The following NXPE4 variants were observed in gnomAD, a reference collection of about 807,000 sequenced individuals.
NXPE4 encodes the protein NXPE family member 4.
In NXPE4, 42 loss-of-function variants were observed where a neutral mutation model predicts 33.3. The observed-to-expected ratio is 1.26, with a 90% CI of 0.98 to 1.63. NXPE4 has a LOEUF of 1.63. Among genes scored for constraint, NXPE4 ranks in the 40% most tolerant of loss-of-function variants. The probability of loss-of-function intolerance (pLI) is 0.00; values close to 1 mark genes in which losing one functional copy is unlikely to be tolerated. For missense variants in NXPE4, 709 were observed against 647.6 expected, an observed-to-expected ratio of 1.09 and a Z score of -1.03; for synonymous variants, 253 against 234.9, an observed-to-expected ratio of 1.08 and a Z score of -0.71.
At chr11:114,637,056 A>C in the NXPE4 span, among the ~76,000 whole-genome samples, 1 of 151,984 alleles carries the variant, frequency 6.6e-6, no homozygotes, top group South Asian at 2.1e-4. Context: ...TAATGTTGAC[A>C]GTGGGGTGTT....
At chr11:114,609,027 C>T in the NXPE4 span, among the ~76,000 whole-genome samples, 1 of 151,754 alleles carries the variant, frequency 6.6e-6, no homozygotes, top group South Asian at 2.1e-4. Flanking sequence ...TGTGGGTAAC[C>T]ACTCTTACCT....
the NXPE4 span, among the ~76,000 whole-genome samples, chr11:114,649,385 G>A: frequency 6.6e-6 from 1 of 152,180 alleles, no homozygotes; most frequent in African/African-American, 2.4e-5. Flanking sequence ...TGAACACAAT[G>A]AAGTAATATT....
the NXPE4 span, among the ~76,000 whole-genome samples, chr11:114,606,392 A>G: frequency 2.6e-5 from 4 of 151,826 alleles, no homozygotes; most frequent in African/African-American, 9.7e-5. Context: ...CTCATGGGTA[A>G]CCACTGTTAC....
At chr11:114,594,440 A>G (rs1591357634) in intron 2 of NXPE4, among the ~76,000 whole-genome samples, 2 of 152,314 alleles carry the variant, frequency 1.3e-5, no homozygotes, top group South Asian at 4.1e-4. Flanking sequence ...GATAGGTGCA[A>G]TGCATTTATT....
chr11:114,629,588 G>A, the NXPE4 span, among the ~76,000 whole-genome samples: 2 of 152,024 alleles, frequency 1.3e-5, no homozygotes, highest in Middle Eastern at 3.4e-3. Context: ...AAAACTGGAA[G>A]CATTCCCTTT....
intron 1 of NXPE4, 45 bp from the exon 2 acceptor site, chr11:114,594,814 A>C: frequency 3.1e-6 from 3 of 970,002 alleles, no homozygotes; most frequent in Non-Finnish European, 4.7e-6. Context: ...ATACAACAAA[A>C]CAGAAAAGCA....
In NXPE4 at chr11:114,580,405, C is replaced by T. The variant is rs7951017; in HGVS notation, c.893-67G>A. The T allele has an allele frequency of 1.2e-3, 1,708 of 1,380,548 alleles. 13 individuals carry two copies. The African/African-American group carries it at 0.022, about 18-fold the overall frequency. The allele number at this position is 1,380,548 out of a possible 1,614,324, so 85.5% of individuals were successfully genotyped here. A position where few individuals can be genotyped will look rare whatever the true frequency, so the allele number is the denominator to read the frequency against. ...ATTACCCGTCAGTATGTATTAAGAGCCTTCTATCCTCTAAGTATCCTAAGA... is the reference window on the plus strand; with the variant it reads ...ATTACCCGTCAGTATGTATTAAGAGTCTTCTATCCTCTAAGTATCCTAAGA... On this transcript the variant is annotated intron_variant, in intron 4 of 5. Transcript: ENST00000375478.
the NXPE4 span, among the ~76,000 whole-genome samples, chr11:114,601,953 T>A: frequency 1.2e-5 from 1 of 82,312 alleles, no homozygotes; most frequent in African/African-American, 5.0e-5. Flanking sequence ...TAATTATATA[T>A]AATATTATAT....
the NXPE4 span, among the ~76,000 whole-genome samples, chr11:114,653,533 C>CTTTTT: frequency 9.7e-6 from 1 of 103,512 alleles, no homozygotes; most frequent in Non-Finnish European, 2.0e-5. Flanking sequence ...CCTGCTTTCC[C>CTTTTT]TTTTTTTTTT....
the NXPE4 span, among the ~76,000 whole-genome samples, chr11:114,627,039 C>G: frequency 6.6e-6 from 1 of 152,046 alleles, no homozygotes; most frequent in Non-Finnish European, 1.5e-5. Context: ...AAATCTACAT[C>G]TCATTTGTGT....
chr11:114,607,351 G>A, the NXPE4 span, among the ~76,000 whole-genome samples: 1 of 152,000 alleles, frequency 6.6e-6, no homozygotes, highest in Non-Finnish European at 1.5e-5. Flanking sequence ...ATTGCCTCGT[G>A]GGTAACCACT....
Position 114,582,519 on chromosome 11 carries a change from T to A in NXPE4, c.599A>T (p.Asp200Val). 6.2e-7 allele frequency: 1 copy of A among 1,614,120 alleles called. No individual in the cohort carries two copies. The highest frequency in any genetic ancestry group is 8.5e-7 in the Non-Finnish European group (1 of 1,179,994). ...ALWSARNQGY[D>V]RVIFTGQFVN... The stretch of plus-strand genomic sequence containing the variant: ...AAACTGGCCAGTGAAGATCACCCTG[T>A]CATAGCCTTGGTTCCTTGCACTCCA... The change falls in exon 3 of 6, where the codon GAC becomes GTC. Residue 200 changes from aspartate (D) to valine (V), a missense_variant. Transcript: ENST00000375478.
chr11:114,675,921 A>T, the NXPE4 span, among the ~76,000 whole-genome samples: 2 of 152,008 alleles, frequency 1.3e-5, no homozygotes, highest in Non-Finnish European at 2.9e-5. Context: ...ATGGAACCAA[A>T]TAGAGACCCC....
chr11:114,571,158 A>G lies in NXPE4; in HGVS notation c.1415T>C (p.Ile472Thr), dbSNP rs754544732. The G allele has an allele frequency of 1.2e-6, 2 of 1,613,848 alleles. No individual in the cohort carries two copies. The highest frequency in any genetic ancestry group is 1.7e-6 in the Non-Finnish European group (2 of 1,179,934). ...LLRSPDTMVI[I>T]KTENIREMYN... The stretch of plus-strand genomic sequence containing the variant: ...CATCTCCCTGATGTTTTCTGTTTTG[A>G]TGATAACCATAGTGTCTGGGCTTCT... Residue 472 changes from isoleucine to threonine, a missense_variant, in exon 6 of 6, where the codon ATC becomes ACC. By Grantham distance (89) the Ile-to-Thr change is moderately conservative. Coordinates refer to ENST00000375478, the MANE Select transcript of NXPE4 (RefSeq NM_001077639.2).
At chr11:114,582,144 C>G in intron 3 of NXPE4, 144 bp downstream of exon 3, 1 of 855,504 alleles carries the variant, frequency 1.2e-6, no homozygotes, top group Non-Finnish European at 1.8e-6. Flanking sequence ...GGCACTGTCT[C>G]TAAATGAATT....
At chr11:114,648,733 G>A in the NXPE4 span, among the ~76,000 whole-genome samples, 10 of 152,162 alleles carry the variant, frequency 6.6e-5, no homozygotes, top group African/African-American at 2.2e-4. Flanking sequence ...CAACTATCCC[G>A]CATACAACTA....
At chr11:114,588,121 G>A (rs867214659) in intron 2 of NXPE4, among the ~76,000 whole-genome samples, 4 of 152,182 alleles carry the variant, frequency 2.6e-5, no homozygotes, top group South Asian at 2.1e-4. Context: ...CAAAACTAGA[G>A]AAGCAACCTC....
At chr11:114,627,014 C>G in the NXPE4 span, among the ~76,000 whole-genome samples, 3 of 151,954 alleles carry the variant, frequency 2.0e-5, no homozygotes, top group Non-Finnish European at 4.4e-5. Context: ...AAATATGGGA[C>G]TATGTGACAA....
At chr11:114,592,690 G>T (rs1443602183) in intron 2 of NXPE4, among the ~76,000 whole-genome samples, 9 of 152,052 alleles carry the variant, frequency 5.9e-5, no homozygotes, top group Admixed American at 5.9e-4. Context: ...TCTAAAATCT[G>T]TAAGGAAACA....
Sources: allele counts gnomAD v4.1 joint callset (sites outside exome capture counted in the v4.1 genomes callset), GRCh38; gene constraint gnomAD v4.1.1; transcripts MANE v1.5; gene names NCBI Gene and HGNC (gene_info 2026-07-23, HGNC 2026-07-21).